The following TTC21B variants were observed in gnomAD, a reference collection of about 807,000 sequenced individuals.
The protein encoded by TTC21B is tetratricopeptide repeat protein 21B.
Under a neutral mutation model 175.1 loss-of-function variants are expected in TTC21B, and 127 were observed. The ratio of observed to expected loss-of-function variants is 0.73; its 90% CI spans 0.63 to 0.84. The LOEUF (loss-of-function observed/expected upper bound fraction) is 0.84. Among genes scored for constraint, TTC21B ranks in the 40% least tolerant of loss-of-function variants. TTC21B has a pLI of 0.00. For missense variants in TTC21B, 1,561 were observed against 1,558.3 expected (o/e 1.00, Z -0.03); for synonymous variants, 524 against 524.5 (o/e 1.00, Z 0.01).
chr2:165,935,389 C>A (rs182391105), intron 6 of TTC21B, among the ~76,000 whole-genome samples: 3,331 of 152,194 alleles, frequency 0.022, 130 homozygotes, highest in African/African-American at 0.076. Flanking sequence ...GTGTACAGTG[C>A]ACTATACTGA....
At chr2:165,927,631 G>A (rs1686728155) in intron 11 of TTC21B, among the ~76,000 whole-genome samples, 1 of 151,278 alleles carries the variant, frequency 6.6e-6, no homozygotes, top group Admixed American at 6.6e-5. Context: ...ATAAACATTT[G>A]TACATTTGTA....
At chr2:165,921,229 T>C (rs77337152) in intron 12 of TTC21B, among the ~76,000 whole-genome samples, 1,815 of 152,194 alleles carry the variant, frequency 0.012, 37 homozygotes, top group African/African-American at 0.041. Flanking sequence ...GGACTGGAGA[T>C]TGAATTCAAT....
chr2:165,882,717 C>G (rs1296754540), intron 26 of TTC21B, among the ~76,000 whole-genome samples: 1 of 152,136 alleles, frequency 6.6e-6, no homozygotes, highest in Non-Finnish European at 1.5e-5. Flanking sequence ...ATTCAACCAG[C>G]AGGGCTGAAT....
chr2:165,937,756 T>A (rs1412124065), intron 6 of TTC21B, among the ~76,000 whole-genome samples: 2 of 144,906 alleles, frequency 1.4e-5, no homozygotes, highest in African/African-American at 2.6e-5. Context: ...TACATATTTT[T>A]AAAATATATA....
chr2:165,951,459 T>C (rs1053186578), intron 1 of TTC21B, among the ~76,000 whole-genome samples: 1 of 151,980 alleles, frequency 6.6e-6, no homozygotes, highest in Non-Finnish European at 1.5e-5. Flanking sequence ...AAAAAAAAAA[T>C]GTGTCCTGCG....
intron 15 of TTC21B, among the ~76,000 whole-genome samples, chr2:165,914,653 C>A (rs79904382): frequency 0.028 from 615 of 22,250 alleles, 6 homozygotes; most frequent in Middle Eastern, 0.097. Flanking sequence ...AGAGGAAGAG[C>A]AATCTGTGTG....
chr2:165,921,309 G>C (rs879569168), intron 12 of TTC21B, among the ~76,000 whole-genome samples: 1 of 152,082 alleles, frequency 6.6e-6, no homozygotes, highest in African/African-American at 2.4e-5. Context: ...ACCAAACCTT[G>C]GTGAGCTTCC....
Position 165,924,695 on chromosome 2 carries a change from A to T in TTC21B, c.1387-17T>A. On this transcript the variant is annotated splice_polypyrimidine_tract_variant and intron_variant, in intron 11 of 28. Coordinates refer to ENST00000243344, the MANE Select transcript of TTC21B (RefSeq NM_024753.5). ...ACTTGCAGGCTAAACAAAACAAATCAGCAGATCATTTTATAAGTGTAAAAA... is the reference window on the plus strand; with the variant it reads ...ACTTGCAGGCTAAACAAAACAAATCTGCAGATCATTTTATAAGTGTAAAAA... The T allele has an allele frequency of 6.2e-7, 1 of 1,612,014 alleles. No homozygotes were observed. Among genetic ancestry groups the T allele is most frequent in the Non-Finnish European group, 8.5e-7 (1 of 1,178,816 alleles).
At position 165,899,825 on chromosome 2, in the gene TTC21B, A is replaced by C; in HGVS notation, c.2813T>G (p.Leu938Arg). Residue 938 changes from leucine to arginine, a missense_variant, in exon 21 of 29, where the codon CTG (leucine) becomes CGG (arginine). Physicochemically the swap from Leu to Arg is moderately radical, Grantham distance 102 (BLOSUM62 -2). Transcript: ENST00000243344. Reference sequence around the variant, plus strand: ...CTGAAGCAGTAGAGCACACTGCCGCAGGCAGGAATCAGGGTCATCTTGTGC... The same window carrying C: ...CTGAAGCAGTAGAGCACACTGCCGCCGGCAGGAATCAGGGTCATCTTGTGC... ...YLAQDDPDSC[L>R]RQCALLLQSD... 1 of 1,614,130 alleles carries C rather than the reference A, an allele frequency of 6.2e-7. No homozygotes were observed. Among genetic ancestry groups the C allele is most frequent in the South Asian group, 1.1e-5 (1 of 91,086 alleles).
chr2:165,949,059 G>A (rs753987762), intron 3 of TTC21B: 39 of 289,618 alleles, frequency 1.3e-4, no homozygotes, highest in Non-Finnish European at 2.2e-4. Flanking sequence ...AAACTTGGCT[G>A]CTGCAGAGCA....
intron 22 of TTC21B, among the ~76,000 whole-genome samples, chr2:165,894,247 G>A (rs767608821): frequency 6.6e-6 from 1 of 152,162 alleles, no homozygotes; most frequent in Non-Finnish European, 1.5e-5. Context: ...GCGATCTGGA[G>A]ATTCTGAGAG....
At chr2:165,931,908 A>G (rs773387902) in intron 7 of TTC21B, 52 bp from the exon 8 acceptor site, 5 of 1,205,066 alleles carry the variant, frequency 4.1e-6, no homozygotes, top group Admixed American at 1.7e-5. Flanking sequence ...TAAAAACAAC[A>G]TAATACATGC....
Position 165,924,695 on chromosome 2 carries a change from A to G in TTC21B, c.1387-17T>C, listed in dbSNP as rs766567792. ...ACTTGCAGGCTAAACAAAACAAATC[A>G]GCAGATCATTTTATAAGTGTAAAAA... On this transcript the variant is annotated splice_polypyrimidine_tract_variant and intron_variant, in intron 11 of 28. Transcript: ENST00000243344. The G allele has an allele frequency of 1.2e-6, 2 of 1,612,014 alleles. No individual in the cohort carries two copies. Among genetic ancestry groups the G allele is most frequent in the Admixed American group, 1.7e-5 (1 of 59,916 alleles).
chr2:165,923,232 A>G (rs1686484176), intron 12 of TTC21B, among the ~76,000 whole-genome samples: 1 of 152,116 alleles, frequency 6.6e-6, no homozygotes, highest in South Asian at 2.1e-4. Flanking sequence ...CAATACAAAT[A>G]AAAAATTGAA....
intron 8 of TTC21B, among the ~76,000 whole-genome samples, chr2:165,930,732 GGTGTGTGTGTGTGTGT>G: frequency 1.8e-5 from 2 of 110,830 alleles, no homozygotes; most frequent in East Asian, 2.6e-4. Flanking sequence ...TGGGTATGGG[GGTGTGTGTGTGTGTGT>G]GTGTGTGTGT....
At chr2:165,905,489 G>A (rs1291940357) in intron 19 of TTC21B, among the ~76,000 whole-genome samples, 1 of 152,080 alleles carries the variant, frequency 6.6e-6, no homozygotes, top group Non-Finnish European at 1.5e-5. Flanking sequence ...AAGGAAACTG[G>A]AGTTAGCTAT....
chr2:165,907,114 G>A (rs537285747), intron 19 of TTC21B, among the ~76,000 whole-genome samples: 14 of 151,974 alleles, frequency 9.2e-5, no homozygotes, highest in Non-Finnish European at 1.5e-4. Context: ...GATATAAGGT[G>A]TTTTAACATT....
intron 26 of TTC21B, among the ~76,000 whole-genome samples, chr2:165,881,870 A>G (rs2105282341): frequency 6.6e-6 from 1 of 152,246 alleles, no homozygotes; most frequent in South Asian, 2.1e-4. Flanking sequence ...ACCTAAACTT[A>G]ATTTCTTATC....
Position 165,888,397 on chromosome 2 carries a change from T to C in TTC21B, c.3341A>G (p.Gln1114Arg). The change falls in exon 25 of 29, where the codon CAG becomes CGG. Residue 1114 changes from glutamine to arginine, a missense_variant. Transcript: ENST00000243344. Reference protein sequence around the residue: ...AEKLLKELKPQTVQGHVQLRI... With the variant: ...AEKLLKELKPRTVQGHVQLRI... ...AAGCTGTACGTGACCCTGAACAGTC[T>C]GAGGTTTTAGTTCCTTAAGAAGTTT... The C allele has an allele frequency of 6.2e-7, 1 of 1,613,868 alleles. No individual in the cohort carries two copies. The highest frequency in any genetic ancestry group is 1.1e-5 in the South Asian group (1 of 91,074).
Sources: gnomAD v4.1 joint callset for allele counts (sites outside exome capture counted in the v4.1 genomes callset) on GRCh38, gnomAD v4.1.1 for gene constraint, MANE v1.5 for transcripts, NCBI Gene and HGNC (gene_info 2026-07-23, HGNC 2026-07-21) for gene names.